The following CELF2 variants were observed in gnomAD, a reference collection of about 807,000 sequenced individuals.
CELF2 encodes CUGBP Elav-like family member 2.
In CELF2, 8 loss-of-function variants were observed where a neutral mutation model predicts 62.6. The ratio of observed to expected loss-of-function variants is 0.13; its 90% confidence interval spans 0.07 to 0.23. The LOEUF is 0.23. Ranked by LOEUF, CELF2 falls within the 10% of genes least tolerant of loss-of-function variation. The probability of loss-of-function intolerance (pLI) is 1.00; values close to 1 mark genes in which losing one functional copy is unlikely to be tolerated. For synonymous variants in CELF2, 258 were observed against 250.0 expected (o/e 1.03, Z -0.30); for missense variants, 333 against 671.0 (o/e 0.50, Z 5.56).
chr10:11,144,900 GAAAAAA>G (rs397846995), intron 1 of CELF2, among the ~76,000 whole-genome samples: 3 of 74,100 alleles, frequency 4.0e-5, no homozygotes, highest in East Asian at 4.5e-4. Flanking sequence ...TCAGGAAACA[GAAAAAA>G]AAAAAAAAAA....
At chr10:10,613,318 A>C in the CELF2 span, among the ~76,000 whole-genome samples, 2 of 152,226 alleles carry the variant, frequency 1.3e-5, no homozygotes, top group Non-Finnish European at 2.9e-5. Context: ...GAGAGTTTAA[A>C]ATGGGTATTT....
At chr10:11,213,303 C>T (rs1471388381) in intron 2 of CELF2, among the ~76,000 whole-genome samples, 2 of 152,216 alleles carry the variant, frequency 1.3e-5, no homozygotes, top group African/African-American at 2.4e-5. Context: ...GAGGCTTGCC[C>T]CTGAATCAGA....
In CELF2 at chr10:11,300,496, T is replaced by G. The variant is rs2093614312; in HGVS notation, c.976+11944T>G. Among the ~76,000 whole-genome samples the G allele has an allele frequency of 6.6e-6, 1 of 152,218 alleles. No individual in the cohort carries two copies. Among genetic ancestry groups the G allele is most frequent in the East Asian group, 1.9e-4 (1 of 5,202 alleles). Reference sequence around the variant, plus strand: ...GGAGTGTGAGGTCACACCTCACCACTGCAGCGCCCAGTGTCACTTTCCAAC... The same window carrying G: ...GGAGTGTGAGGTCACACCTCACCACGGCAGCGCCCAGTGTCACTTTCCAAC... On this transcript the variant is annotated intron_variant, in intron 9 of 12. Coordinates refer to ENST00000633077, the MANE Select transcript of CELF2 (RefSeq NM_001326342.2). The surrounding 1 kb of genome is among the most constrained non-coding windows in gnomAD (Gnocchi z 5.5).
chr10:10,819,915 T>C (rs2056814328), intron 1 of CELF2, among the ~76,000 whole-genome samples: 1 of 152,172 alleles, frequency 6.6e-6, no homozygotes, highest in African/African-American at 2.4e-5. Flanking sequence ...TCTCTGTACC[T>C]GATACTGTTT....
At chr10:10,721,844 T>C in the CELF2 span, among the ~76,000 whole-genome samples, 1 of 152,338 alleles carries the variant, frequency 6.6e-6, no homozygotes, top group African/African-American at 2.4e-5. Flanking sequence ...CATCTCTGGA[T>C]AGATCCCAGA....
chr10:10,765,064 G>T, the CELF2 span, among the ~76,000 whole-genome samples: 2 of 152,176 alleles, frequency 1.3e-5, no homozygotes, highest in Non-Finnish European at 2.9e-5. Context: ...CACCTTTGGG[G>T]GTGGAGGGTC....
intron 1 of CELF2, among the ~76,000 whole-genome samples, chr10:11,060,298 G>T (rs1345189057): frequency 2.0e-5 from 3 of 152,196 alleles, no homozygotes; most frequent in African/African-American, 7.2e-5. Context: ...ACAGCTCTGC[G>T]TGCACCGTTC....
the CELF2 span, among the ~76,000 whole-genome samples, chr10:10,740,397 A>T: frequency 1.3e-5 from 2 of 152,174 alleles, no homozygotes; most frequent in Admixed American, 6.5e-5. Flanking sequence ...CTCAAAAAGA[A>T]AAGAGATAGC....
intron 1 of CELF2, among the ~76,000 whole-genome samples, chr10:11,028,416 CTTTTTCTTTTTT>C (rs1439006723): frequency 9.8e-6 from 1 of 102,468 alleles, no homozygotes; most frequent in African/African-American, 3.1e-5. Flanking sequence ...CTTTTCTTTT[CTTTTTCTTTTTT>C]TTTTTTTTTG....
At position 11,304,875 on chromosome 10, in the gene CELF2, C is replaced by T. The variant is rs144756380; in HGVS notation, c.977-9264C>T. ...TCCAGGACTTAGGACATGGATGTCT[C>T]GGGTTGGCTGGGGGGTGAACAGAGA... On this transcript the variant is annotated intron_variant, in intron 9 of 12. Coordinates refer to ENST00000633077, the MANE Select transcript of CELF2 (RefSeq NM_001326342.2). Among the ~76,000 whole-genome samples, 678 of 152,298 alleles carry T rather than the reference C, an allele frequency of 4.5e-3. 4 individuals carry two copies. Among genetic ancestry groups the T allele is most frequent in the African/African-American group, 0.015 (629 of 41,558 alleles).
At chr10:10,876,718 G>T (rs558652957) in intron 1 of CELF2, among the ~76,000 whole-genome samples, 2 of 152,264 alleles carry the variant, frequency 1.3e-5, no homozygotes, top group African/African-American at 4.8e-5. Flanking sequence ...CCACTTACGG[G>T]ATCATGTCTC....
the CELF2 span, among the ~76,000 whole-genome samples, chr10:10,612,025 G>A: frequency 6.6e-6 from 1 of 152,138 alleles, no homozygotes; most frequent in Non-Finnish European, 1.5e-5. Context: ...CCTCTCTACT[G>A]GTTATGGTAT....
At position 10,799,380 on chromosome 10, in the gene CELF2, AGGCT is replaced by A. The variant is rs562256745; in HGVS notation, c.53+565_53+568del. Among the ~76,000 whole-genome samples the A allele has an allele frequency of 1.5e-3, 231 of 152,188 alleles. 2 individuals are homozygous for A. Among genetic ancestry groups the A allele is most frequent in the African/African-American group, 5.4e-3 (225 of 41,518 alleles). On this transcript the variant is annotated intron_variant, in intron 1 of 13. Coordinates refer to the CELF2 transcript ENST00000636488. ...GTGCCTGTAGTCCCTGCTACTTGGG[AGGCT>A]GAGTCAGAAAAATCGCTTAAACTTA...
the CELF2 span, among the ~76,000 whole-genome samples, chr10:10,597,029 T>G: frequency 2.6e-5 from 4 of 152,182 alleles, no homozygotes; most frequent in Non-Finnish European, 5.9e-5. Context: ...GAGTGACACA[T>G]GAGCCTTCCT....
At chr10:10,745,461 C>T in the CELF2 span, among the ~76,000 whole-genome samples, 1 of 152,248 alleles carries the variant, frequency 6.6e-6, no homozygotes, top group East Asian at 1.9e-4. Context: ...TCTTCCGCAC[C>T]CCCTGGTGAG....
intron 1 of CELF2, among the ~76,000 whole-genome samples, chr10:11,108,175 G>GATGC (rs1396527563): frequency 7.2e-6 from 1 of 138,694 alleles, no homozygotes; most frequent in Non-Finnish European, 1.5e-5. Context: ...GCCATGCAGG[G>GATGC]ATGCTCTCAT....
intron 1 of CELF2, among the ~76,000 whole-genome samples, chr10:11,058,477 T>G (rs983271246): frequency 5.4e-5 from 8 of 146,882 alleles, no homozygotes; most frequent in African/African-American, 2.0e-4. Context: ...TTTTTTTTTT[T>G]TTTTTTTGTG....
At chr10:10,537,146 T>C in the CELF2 span, among the ~76,000 whole-genome samples, 1 of 152,060 alleles carries the variant, frequency 6.6e-6, no homozygotes, top group Non-Finnish European at 1.5e-5. Flanking sequence ...CCTGGAAGTC[T>C]CCTTCTAGCA....
At chr10:10,532,326 T>A in the CELF2 span, among the ~76,000 whole-genome samples, 1 of 152,258 alleles carries the variant, frequency 6.6e-6, no homozygotes, top group Non-Finnish European at 1.5e-5. Flanking sequence ...GAGATTCAGA[T>A]GCTTGTTGCT....
Sources: allele counts gnomAD v4.1 joint callset (sites outside exome capture counted in the v4.1 genomes callset), GRCh38; gene constraint gnomAD v4.1.1; non-coding constraint Gnocchi (gnomAD v3.1); transcripts MANE v1.5; gene names NCBI Gene and HGNC (gene_info 2026-07-23, HGNC 2026-07-21).